BICC1: variants seen among roughly 807,000 people sequenced by gnomAD.
BICC1 encodes protein bicaudal C homolog 1.
In BICC1, 43 loss-of-function variants were observed where a neutral mutation model predicts 111.0. The observed-to-expected ratio is 0.39, with a 90% CI of 0.30 to 0.50. The LOEUF (loss-of-function observed/expected upper bound fraction) is 0.50, where lower values mean the gene tolerates loss of function less well. BICC1 is among the 20% of genes least tolerant of loss of function. The pLI, the probability that BICC1 is intolerant of heterozygous loss-of-function variation, is 0.88. For synonymous variants in BICC1, 467 were observed against 434.4 expected (o/e 1.07, Z -0.93); for missense variants, 1,091 against 1,203.2 (o/e 0.91, Z 1.38).
At chr10:58,747,887 G>A (rs1198293207) in intron 3 of BICC1, among the ~76,000 whole-genome samples, 13 of 152,124 alleles carry the variant, frequency 8.5e-5, no homozygotes, top group Non-Finnish European at 1.3e-4. Context: ...TTGGAATACA[G>A]CCTCATCCAT....
At chr10:58,791,798 C>A (rs192473776) in intron 8 of BICC1, among the ~76,000 whole-genome samples, 1 of 151,920 alleles carries the variant, frequency 6.6e-6, no homozygotes, top group Non-Finnish European at 1.5e-5. Flanking sequence ...ATTTCTTTTT[C>A]TTTTTTTAGT....
At chr10:58,551,964 T>TTG (rs770930056) in intron 1 of BICC1, among the ~76,000 whole-genome samples, 2,322 of 151,488 alleles carry the variant, frequency 0.015, 60 homozygotes, top group African/African-American at 0.053. Flanking sequence ...AAGTTTTTTT[T>TTG]GGGGGGGGAT....
At chr10:58,705,604 T>C (rs1840364160) in intron 3 of BICC1, among the ~76,000 whole-genome samples, 1 of 152,214 alleles carries the variant, frequency 6.6e-6, no homozygotes, top group Non-Finnish European at 1.5e-5. Flanking sequence ...TGGAATATAG[T>C]AGGGGCAAAA....
At chr10:58,518,594 G>T (rs1233006987) in intron 1 of BICC1, among the ~76,000 whole-genome samples, 5 of 123,244 alleles carry the variant, frequency 4.1e-5, no homozygotes, top group East Asian at 2.5e-4. Context: ...GTGTGTTGGG[G>T]GGGGGGGGGT....
At chr10:58,518,425 T>A (rs933669072) in intron 1 of BICC1, among the ~76,000 whole-genome samples, 1 of 152,174 alleles carries the variant, frequency 6.6e-6, no homozygotes, top group African/African-American at 2.4e-5. Context: ...GTAATATGCT[T>A]AGTTCAGTGC....
intron 2 of BICC1, among the ~76,000 whole-genome samples, chr10:58,636,077 G>A (rs779689182): frequency 1.1e-4 from 16 of 152,206 alleles, no homozygotes; most frequent in Non-Finnish European, 1.9e-4. Context: ...ACACTCAAAT[G>A]TTTTGGGACC....
chr10:58,814,575 G>T (rs1363593950), intron 18 of BICC1, among the ~76,000 whole-genome samples: 2 of 150,904 alleles, frequency 1.3e-5, no homozygotes, highest in African/African-American at 2.4e-5. Flanking sequence ...GAGCCCAGGG[G>T]TTTGAGACCA....
At chr10:58,551,981 T>C (rs1224252683) in intron 1 of BICC1, among the ~76,000 whole-genome samples, 81 of 152,080 alleles carry the variant, frequency 5.3e-4, no homozygotes, top group African/African-American at 4.1e-4. Context: ...GGATAGACTC[T>C]CCCTTCTTTT....
chr10:58,562,509 C>T (rs1397066965), intron 1 of BICC1, among the ~76,000 whole-genome samples: 7 of 152,016 alleles, frequency 4.6e-5, no homozygotes, highest in Admixed American at 4.6e-4. Context: ...TCATTTAGAT[C>T]ATGAATTGTT....
intron 3 of BICC1, among the ~76,000 whole-genome samples, chr10:58,782,859 T>C (rs948088609): frequency 6.6e-6 from 1 of 152,170 alleles, no homozygotes; most frequent in African/African-American, 2.4e-5. Flanking sequence ...ATAAGAATTA[T>C]TGAATAAAAT....
intron 1 of BICC1, among the ~76,000 whole-genome samples, chr10:58,530,679 A>G (rs1842657891): frequency 1.3e-5 from 1 of 75,398 alleles, no homozygotes; most frequent in Non-Finnish European, 3.0e-5. Flanking sequence ...TATATACTTT[A>G]AATGCAAAAA....
intron 2 of BICC1, among the ~76,000 whole-genome samples, chr10:58,644,224 G>A (rs985762564): frequency 5.3e-5 from 8 of 152,064 alleles, no homozygotes; most frequent in African/African-American, 1.7e-4. Context: ...ATCATACTAG[G>A]GCACTTGCTA....
In BICC1 at chr10:58,632,525, T is replaced by C. The variant is rs2132178062; in HGVS notation, c.237+11624T>C. Among the ~76,000 whole-genome samples, 3 of 152,122 alleles carry C rather than the reference T, an allele frequency of 2.0e-5. No homozygotes were observed. The Middle Eastern group carries it at 0.01, about 517-fold the overall frequency. On this transcript the variant is annotated intron_variant, in intron 2 of 20. Coordinates refer to ENST00000373886, the MANE Select transcript of BICC1 (RefSeq NM_001080512.3). ...GAGTGATTTTTTTTTTTTTCCCCTA[T>C]TCTGAGGACTCAGGGAAGATGGATT...
chr10:58,540,052 GA>G (rs979494407), intron 1 of BICC1, among the ~76,000 whole-genome samples: 1 of 151,902 alleles, frequency 6.6e-6, no homozygotes, highest in African/African-American at 2.4e-5. Flanking sequence ...GAAATCATGG[GA>G]AATTAGAAAA....
intron 1 of BICC1, 116 bp downstream of exon 1, chr10:58,513,449 C>T: frequency 2.9e-6 from 3 of 1,018,688 alleles, no homozygotes; most frequent in African/African-American, 1.7e-5. Context: ...GGTTTAGCTC[C>T]AGGCCCGCTC....
intron 1 of BICC1, among the ~76,000 whole-genome samples, chr10:58,598,824 C>T (rs1279003849): frequency 6.6e-6 from 1 of 151,838 alleles, no homozygotes; most frequent in Non-Finnish European, 1.5e-5. Flanking sequence ...AAAACAACCC[C>T]ATAAAAAAAT....
intron 3 of BICC1, among the ~76,000 whole-genome samples, chr10:58,715,336 C>T (rs12241248): frequency 0.04 from 6,135 of 152,178 alleles, 453 homozygotes; most frequent in African/African-American, 0.14. Context: ...ACAGCATATG[C>T]GTGTTTTTGG....
chr10:58,677,459 G>A (rs560347884), intron 2 of BICC1, among the ~76,000 whole-genome samples: 2 of 152,260 alleles, frequency 1.3e-5, no homozygotes, highest in Admixed American at 1.3e-4. Flanking sequence ...ATCGGAGATG[G>A]AAGATCAGCT....
intron 1 of BICC1, among the ~76,000 whole-genome samples, chr10:58,601,359 C>T (rs1476171969): frequency 6.6e-6 from 1 of 150,966 alleles, no homozygotes; most frequent in African/African-American, 2.4e-5. Flanking sequence ...CTTTTTTATG[C>T]AGTTTATCAT....
Sources: gnomAD v4.1 joint callset for allele counts (sites outside exome capture counted in the v4.1 genomes callset) on GRCh38, gnomAD v4.1.1 for gene constraint, MANE v1.5 for transcripts, NCBI Gene and HGNC (gene_info 2026-07-23, HGNC 2026-07-21) for gene names.